Variants in TCEA2 observed in about 807,000 individuals in gnomAD.
TCEA2 encodes the protein transcription elongation factor A protein 2.
In TCEA2, 21 loss-of-function variants were observed where a neutral mutation model predicts 40.8. The observed-to-expected ratio is 0.51, with a 90% confidence interval of 0.36 to 0.74. The LOEUF is 0.74. Ranked by LOEUF, TCEA2 falls within the 30% of genes least tolerant of loss-of-function variation. TCEA2 has a pLI of 0.00. For missense variants in TCEA2, 326 were observed against 426.5 expected, an observed-to-expected ratio of 0.76 and a Z score of 2.08; for synonymous variants, 165 against 162.7, an observed-to-expected ratio of 1.01 and a Z score of -0.11.
At chr20:64,067,087 C>A in intron 3 of TCEA2, 67 bp downstream of exon 3, 1 of 1,487,614 alleles carries the variant, frequency 6.7e-7, no homozygotes, top group Non-Finnish European at 9.2e-7. Flanking sequence ...TCTTGCTGGT[C>A]AGCACAGTGT....
upstream of TCEA2, among the ~76,000 whole-genome samples, chr20:64,055,815 T>C (rs816951): frequency 0.33 from 50,848 of 151,888 alleles, 10,135 homozygotes; most frequent in African/African-American, 0.55. The surrounding 1 kb of genome is among the most constrained non-coding windows in gnomAD (Gnocchi z 4.0). Flanking sequence ...GGCCAAGGTT[T>C]GCTCTCAGAC....
intron 3 of TCEA2, among the ~76,000 whole-genome samples, 170 bp downstream of exon 3, chr20:64,067,190 TG>T (rs1273955223): frequency 6.6e-6 from 1 of 152,078 alleles, no homozygotes; most frequent in Non-Finnish European, 1.5e-5. Flanking sequence ...GGGCTGGCAG[TG>T]GATCAGTGGG....
chr20:64,064,661 GC>G (rs1430695711), intron 1 of TCEA2, among the ~76,000 whole-genome samples: 2 of 152,156 alleles, frequency 1.3e-5, no homozygotes, highest in Non-Finnish European at 2.9e-5. Flanking sequence ...TTTGGGGGAA[GC>G]TTTTTGGGCT....
At chr20:64,060,879 T>G (rs879266779), upstream of TCEA2, among the ~76,000 whole-genome samples, 3 of 151,730 alleles carry the variant, frequency 2.0e-5, no homozygotes, top group Non-Finnish European at 4.4e-5. Context: ...CAGCTCCGCC[T>G]CCCGGATTCA....
At chr20:64,068,175 C>T (rs2059740814) in intron 4 of TCEA2, 41 bp downstream of exon 4, 1 of 1,533,310 alleles carries the variant, frequency 6.5e-7, no homozygotes, top group Non-Finnish European at 8.9e-7. Flanking sequence ...TTCTGCTTCC[C>T]AGCCTGTTTC....
At chr20:64,069,877 C>T (rs754404252) in intron 6 of TCEA2, 56 bp downstream of exon 6, 3 of 1,595,146 alleles carry the variant, frequency 1.9e-6, no homozygotes, top group Admixed American at 3.3e-5. Context: ...AGGAGGCTGC[C>T]TGGCCTGGTG....
intron 8 of TCEA2, 93 bp downstream of exon 8, chr20:64,070,728 G>C (rs900918431): frequency 8.2e-5 from 118 of 1,438,624 alleles, no homozygotes; most frequent in Non-Finnish European, 1.0e-4. Flanking sequence ...CGCCTCTGCT[G>C]CATGAATTTC....
chr20:64,070,053 T>C (rs770634030), intron 6 of TCEA2: 6 of 889,898 alleles, frequency 6.7e-6, no homozygotes, highest in Non-Finnish European at 1.1e-5. Flanking sequence ...GGCTGTAGCC[T>C]GAAGCTGGGT....
chr20:64,062,025 C>T (rs57642905), upstream of TCEA2, among the ~76,000 whole-genome samples: 33,013 of 152,250 alleles, frequency 0.22, 3,699 homozygotes, highest in African/African-American at 0.24. Context: ...CACTATTGCC[C>T]GGCTAAGATG....
intron 1 of TCEA2, chr20:64,063,714 C>T (rs1364878676): frequency 3.0e-6 from 1 of 331,710 alleles, no homozygotes; most frequent in Non-Finnish European, 5.6e-6. Flanking sequence ...TCCAGACCCC[C>T]AGCCTGGCCC....
exon 1 of TCEA2, chr20:64,057,640 G>C (rs1240495156): frequency 1.3e-5 from 2 of 152,382 alleles, no homozygotes; most frequent in African/African-American, 4.8e-5. Context: ...CCGTGGAGGA[G>C]GAAGTCCGGA....
upstream of TCEA2, among the ~76,000 whole-genome samples, chr20:64,061,660 C>G (rs1475908952): frequency 6.6e-6 from 1 of 152,118 alleles, no homozygotes; most frequent in Non-Finnish European, 1.5e-5. Context: ...ATCCGCCCAC[C>G]TCAGCCTCCC....
At chr20:64,066,794 C>A in intron 2 of TCEA2, 121 bp from the exon 3 acceptor site, 1 of 1,000,580 alleles carries the variant, frequency 1.0e-6, no homozygotes, top group Non-Finnish European at 1.5e-6. Flanking sequence ...TTGGGAGAGG[C>A]CTCTACCTCC....
chr20:64,058,442 C>G (rs1296342708), upstream of TCEA2, among the ~76,000 whole-genome samples: 1 of 152,222 alleles, frequency 6.6e-6, no homozygotes, highest in Non-Finnish European at 1.5e-5. The surrounding 1 kb of genome is among the most constrained non-coding windows in gnomAD (Gnocchi z 6.7). Context: ...ACATGTCAGG[C>G]TCCTCACGAG....
upstream of TCEA2, among the ~76,000 whole-genome samples, chr20:64,059,647 C>T (rs2059525614): frequency 6.6e-6 from 1 of 152,228 alleles, no homozygotes; most frequent in Admixed American, 6.5e-5. Context: ...GGGCCCCAGC[C>T]CCTGGTGGGG....
intron 4 of TCEA2, among the ~76,000 whole-genome samples, chr20:64,068,381 A>T (rs1381202094): frequency 1.3e-5 from 2 of 152,038 alleles, no homozygotes; most frequent in African/African-American, 4.8e-5. Context: ...GCTGCTGTAT[A>T]CCCTGAGTGG....
upstream of TCEA2, among the ~76,000 whole-genome samples, chr20:64,058,521 A>T (rs1007985348): frequency 3.3e-5 from 5 of 152,150 alleles, no homozygotes; most frequent in Non-Finnish European, 7.4e-5. This position sits in a 1 kb window ranked among gnomAD's most constrained non-coding sequence, Gnocchi z 6.7. Flanking sequence ...ATGGAGGAGG[A>T]AACAGGGCCC....
intron 1 of TCEA2, among the ~76,000 whole-genome samples, chr20:64,064,842 C>T (rs2145466751): frequency 6.6e-6 from 1 of 151,864 alleles, no homozygotes; most frequent in East Asian, 1.9e-4. Flanking sequence ...CCATTCATAG[C>T]TGTTTCCAGA....
intron 8 of TCEA2, among the ~76,000 whole-genome samples, chr20:64,071,345 C>CT (rs2059828588): frequency 6.7e-6 from 1 of 149,050 alleles, no homozygotes; most frequent in Non-Finnish European, 1.5e-5. Flanking sequence ...GAGACTCCGT[C>CT]TTTAAAAAAA....
Sources: gnomAD v4.1 joint callset for allele counts (sites outside exome capture counted in the v4.1 genomes callset) on GRCh38, gnomAD v4.1.1 for gene constraint, Gnocchi (gnomAD v3.1) non-coding constraint, MANE v1.5 for transcripts, NCBI Gene and HGNC (gene_info 2026-07-23, HGNC 2026-07-21) for gene names.